The following KIR2DL3 variants were observed in gnomAD, a reference collection of about 807,000 sequenced individuals.
The protein encoded by KIR2DL3 is killer cell immunoglobulin-like receptor 2DL3.
KIR2DL3 carries 39 observed loss-of-function variants against 33.8 expected under a neutral mutation model. The ratio of observed to expected loss-of-function variants is 1.15; its 90% CI spans 0.89 to 1.51. The LOEUF (loss-of-function observed/expected upper bound fraction) is 1.51, where lower values mean the gene tolerates loss of function less well. Among genes scored for constraint, KIR2DL3 ranks in the 40% most tolerant of loss-of-function variants. KIR2DL3 has a pLI of 0.00. For missense variants in KIR2DL3, 462 were observed against 426.2 expected (o/e 1.08, Z -0.74); for synonymous variants, 174 against 160.2 (o/e 1.09, Z -0.65).
chr19:54,744,575 G>A (rs1286359673), intron 4 of KIR2DL3, among the ~76,000 whole-genome samples: 1 of 149,152 alleles, frequency 6.7e-6, no homozygotes. Flanking sequence ...CCCCTATGCT[G>A]GAGTGCAGTG....
At chr19:54,749,983 A>T (rs1040367253) in intron 5 of KIR2DL3, among the ~76,000 whole-genome samples, 12 of 127,476 alleles carry the variant, frequency 9.4e-5, no homozygotes, top group African/African-American at 3.6e-4. Context: ...TCGTTTTTCT[A>T]TTTCTCTATA....
intron 5 of KIR2DL3, 76 bp from the exon 6 acceptor site, chr19:54,751,573 A>C: frequency 1.7e-6 from 2 of 1,202,322 alleles, no homozygotes; most frequent in South Asian, 2.9e-5. Flanking sequence ...GTTACCTGTC[A>C]ATCAAGAAAT....
intron 1 of KIR2DL3, 56 bp downstream of exon 1, chr19:54,738,635 G>C (rs1955522732): frequency 4.3e-6 from 7 of 1,612,920 alleles, no homozygotes; most frequent in African/African-American, 1.3e-5. Context: ...TCGGGGCCCA[G>C]AGTTGGAGAT....
In KIR2DL3 at chr19:54,752,604, G is replaced by T; in HGVS notation, c.*85G>T. 3.5e-6 allele frequency: 5 copies of T among 1,425,408 alleles called. 1 individual carries two copies. The highest frequency in any genetic ancestry group is 4.8e-6 in the Non-Finnish European group (5 of 1,042,720). 88.3% of individuals were successfully genotyped at this position (1,425,408 alleles called of 1,614,324 possible). ...AGACAACAGCCCTGTCTCAAAACTG[G>T]GTTGCCAGCTCCAATGTACCAGCAG... On this transcript the variant is annotated 3_prime_UTR_variant, in exon 8 of 8. Transcript: ENST00000342376.
Position 54,743,936 on chromosome 19 carries a change from T to A in KIR2DL3, c.512T>A (p.Phe171Tyr). ...SREGEAHERRFSAGPKVNGTF... is the reference protein window; with the variant it reads ...SREGEAHERRYSAGPKVNGTF... ...GAGGGGGAGGCCCATGAACGTAGGT[T>A]CTCTGCAGGGCCCAAGGTCAACGGA... is the stretch of plus-strand genomic sequence containing the variant. The change falls in exon 4 of 8, where the codon TTC (phenylalanine) becomes TAC (tyrosine). Residue 171 changes from phenylalanine to tyrosine, a missense_variant. Transcript: ENST00000342376. 6.2e-7 allele frequency: 1 copy of A among 1,614,134 alleles called. No individual in the cohort carries two copies. Among genetic ancestry groups the A allele is most frequent in the South Asian group, 1.1e-5 (1 of 91,082 alleles).
intron 2 of KIR2DL3, among the ~76,000 whole-genome samples, chr19:54,740,692 G>T (rs1474585748): frequency 1.4e-4 from 21 of 145,368 alleles, no homozygotes; most frequent in African/African-American, 5.1e-4. Context: ...GGAAATGGGT[G>T]CTGTGGTGGG....
chr19:54,741,979 G>C lies in KIR2DL3; in HGVS notation c.71-1G>C, dbSNP rs199968310. The C allele has an allele frequency of 8.7e-6, 14 of 1,603,566 alleles. No individual in the cohort carries two copies. Among genetic ancestry groups the C allele is most frequent in the South Asian group, 3.3e-5 (3 of 90,672 alleles). On this transcript the variant is annotated splice_acceptor_variant, in intron 2 of 7. Coordinates refer to ENST00000342376, the MANE Select transcript of KIR2DL3 (RefSeq NM_015868.3). LOFTEE classifies it high-confidence loss of function. ...TCTAAACTCACAACCTCTCTTCCTA[G>C]GAGTCCACAGAAAACCTTCCCTCCT...
At position 54,752,835 on chromosome 19, in the gene KIR2DL3, A is replaced by G. The variant is rs2073693791; in HGVS notation, c.*316A>G. On this transcript the variant is annotated 3_prime_UTR_variant, in exon 8 of 8. Coordinates refer to ENST00000342376, the MANE Select transcript of KIR2DL3 (RefSeq NM_015868.3). ...ACCTAACTGGCTTACTTCCTAGTCT[A>G]CTTGAGGCTGCAATCACACTGAGGA... 4.1e-6 allele frequency: 2 copies of G among 485,104 alleles called. No individual in the cohort carries two copies. The highest frequency in any genetic ancestry group is 2.0e-5 in the African/African-American group (1 of 49,332). 30.0% of individuals were successfully genotyped at this position (485,104 alleles called of 1,614,324 possible).
chr19:54,749,088 A>G (rs1360241948), intron 5 of KIR2DL3, among the ~76,000 whole-genome samples: 3 of 152,182 alleles, frequency 2.0e-5, no homozygotes, highest in South Asian at 4.1e-4. Context: ...GTGAAGGCAC[A>G]AAGGTGAAAA....
At position 54,738,554 on chromosome 19, in the gene KIR2DL3, C is replaced by T. The variant is rs1469807645; in HGVS notation, c.9C>T (p.Leu3=). The part of the protein sequence containing the change: MS[L]MVVSMVCVGF... Reference sequence around the variant, plus strand: ...TCTGCACAGACAGCACCATGTCGCTCATGGTCGTCAGCATGGTGTGTGTTG... The same window carrying T: ...TCTGCACAGACAGCACCATGTCGCTTATGGTCGTCAGCATGGTGTGTGTTG... The change falls in exon 1 of 8, where the codon CTC becomes CTT. Residue 3 remains leucine, a synonymous_variant. Transcript: ENST00000342376. The T allele has an allele frequency of 6.8e-6, 11 of 1,614,094 alleles. No homozygotes were observed. Among genetic ancestry groups the T allele is most frequent in the South Asian group, 2.2e-5 (2 of 91,092 alleles).
intron 1 of KIR2DL3, among the ~76,000 whole-genome samples, chr19:54,739,141 G>C (rs1266615081): frequency 6.7e-6 from 1 of 150,268 alleles, no homozygotes; most frequent in Non-Finnish European, 1.5e-5. Flanking sequence ...TATGGGACTG[G>C]AGAGGTGATA....
chr19:54,751,224 A>G (rs529282761), intron 5 of KIR2DL3, among the ~76,000 whole-genome samples: 1 of 131,140 alleles, frequency 7.6e-6, no homozygotes, highest in East Asian at 2.0e-4. Flanking sequence ...CAAGAGAGGG[A>G]GCAAGGGGGA....
chr19:54,752,580 G>C lies in KIR2DL3; in HGVS notation c.*61G>C. The C allele has an allele frequency of 4.1e-6, 6 of 1,453,566 alleles. No individual in the cohort carries two copies. The highest frequency in any genetic ancestry group is 5.6e-6 in the Non-Finnish European group (6 of 1,067,266). The allele number at this position is 1,453,566 out of a possible 1,614,324, so 90.0% of individuals were successfully genotyped here. ...AGGCCTTGAGGGGATCTTCTAGGGA[G>C]ACAACAGCCCTGTCTCAAAACTGGG... On this transcript the variant is annotated 3_prime_UTR_variant, in exon 8 of 8. Coordinates refer to ENST00000342376, the MANE Select transcript of KIR2DL3 (RefSeq NM_015868.3).
At chr19:54,738,614 G>A (rs370736325) in intron 1 of KIR2DL3, 35 bp downstream of exon 1, 60 of 1,613,710 alleles carry the variant, frequency 3.7e-5, no homozygotes, top group East Asian at 1.8e-4. Context: ...GAGGGAGTGC[G>A]GGGATGGAGA....
At chr19:54,742,674 T>G (rs1205208134) in intron 3 of KIR2DL3, among the ~76,000 whole-genome samples, 1 of 150,562 alleles carries the variant, frequency 6.6e-6, no homozygotes, top group African/African-American at 2.4e-5. Context: ...TGACCTGAGT[T>G]GGGCCCTGTG....
chr19:54,744,857 G>A (rs1197697350), intron 4 of KIR2DL3, among the ~76,000 whole-genome samples: 20 of 122,026 alleles, frequency 1.6e-4, no homozygotes, highest in African/African-American at 5.0e-4. Context: ...AAGTCTAGTG[G>A]TCATAAATAC....
At position 54,739,546 on chromosome 19, in the gene KIR2DL3, A is replaced by C; in HGVS notation, c.70+4A>C. On this transcript the variant is annotated splice_donor_region_variant and intron_variant, in intron 2 of 7. Transcript: ENST00000342376. ...CAGGGGGCCTGGCCACATGAGGGTG[A>C]GTCCTTCTCCAAACCTTCGGGTGTC... 6.2e-7 allele frequency: 1 copy of C among 1,614,056 alleles called. No individual in the cohort carries two copies. Among genetic ancestry groups the C allele is most frequent in the Non-Finnish European group, 8.5e-7 (1 of 1,179,938 alleles).
chr19:54,751,925 A>T (rs961343567), intron 6 of KIR2DL3, among the ~76,000 whole-genome samples, 172 bp downstream of exon 6: 8 of 133,684 alleles, frequency 6.0e-5, no homozygotes, highest in Non-Finnish European at 1.2e-4. Context: ...CCTTCAGCTC[A>T]CAGACCATTG....
rs558985279 is a variant in KIR2DL3, at chr19:54,742,240, T to G, written c.331T>G (p.Leu111Val). Residue 111 changes from leucine to valine, a missense_variant, in exon 3 of 8, where the codon TTG (leucine) becomes GTG (valine). Leu to Val is a conservative substitution (Grantham distance 32). Transcript: ENST00000342376. ...TTCTGTTACTCACTCCCCCTATCAG[T>G]TGTCAGCTCCCAGTGACCCTCTGGA... ...YGSVTHSPYQ[L>V]SAPSDPLDIV... 49 of 1,614,148 alleles carry G rather than the reference T, an allele frequency of 3.0e-5. No individual in the cohort carries two copies. The highest frequency in any genetic ancestry group is 1.6e-4 in the Middle Eastern group (1 of 6,062).
Sources: gnomAD v4.1 joint callset for allele counts (sites outside exome capture counted in the v4.1 genomes callset) on GRCh38, gnomAD v4.1.1 for gene constraint, MANE v1.5 for transcripts, NCBI Gene and HGNC (gene_info 2026-07-23, HGNC 2026-07-21) for gene names.